The following CAPS2 variants were observed in gnomAD, a reference collection of about 807,000 sequenced individuals.
The protein encoded by CAPS2 is calcyphosin-2.
Under a neutral mutation model 86.5 loss-of-function variants are expected in CAPS2, and 98 were observed. The observed-to-expected ratio is 1.13, with a 90% CI of 0.96 to 1.34. The LOEUF (loss-of-function observed/expected upper bound fraction) is 1.34, where lower values mean the gene tolerates loss of function less well. CAPS2 is among the 40% of genes most tolerant of loss of function. The pLI is 0.00. For synonymous variants in CAPS2, 210 were observed against 225.1 expected (o/e 0.93, Z 0.60); for missense variants, 729 against 686.8 (o/e 1.06, Z -0.69).
intron 1 of CAPS2, chr12:75,367,093 T>A: frequency 1.4e-6 from 1 of 694,162 alleles, no homozygotes; most frequent in East Asian, 2.7e-5. Context: ...GAGATTAATT[T>A]GGGGAGAAAA....
At chr12:75,311,760 A>C (rs2039253055) in intron 7 of CAPS2, among the ~76,000 whole-genome samples, 1 of 149,962 alleles carries the variant, frequency 6.7e-6, no homozygotes, top group Non-Finnish European at 1.5e-5. Flanking sequence ...AAAGAAAATA[A>C]GGTTTCAAAT....
At chr12:75,305,607 C>G (rs11610112) in intron 7 of CAPS2, 3 of 611,386 alleles carry the variant, frequency 4.9e-6, no homozygotes, top group African/African-American at 1.8e-5. Context: ...CCCCAGGCCC[C>G]GAGCGACCGG....
intron 1 of CAPS2, among the ~76,000 whole-genome samples, chr12:75,376,628 G>T (rs1279543999): frequency 6.6e-6 from 1 of 152,122 alleles, no homozygotes; most frequent in Non-Finnish European, 1.5e-5. Flanking sequence ...TGGCAAAAAA[G>T]GCTCATCAGA....
intron 1 of CAPS2, among the ~76,000 whole-genome samples, chr12:75,390,002 C>A (rs928532164): frequency 6.6e-6 from 1 of 152,158 alleles, no homozygotes; most frequent in African/African-American, 2.4e-5. Flanking sequence ...GCATCACAGA[C>A]AATTTTTAAA....
chr12:75,325,801 A>C (rs895361108), intron 1 of CAPS2, among the ~76,000 whole-genome samples: 5 of 151,922 alleles, frequency 3.3e-5, no homozygotes, highest in African/African-American at 1.2e-4. Flanking sequence ...TAAAATCCAG[A>C]GTGTGAGGGG....
At chr12:75,363,827 T>C (rs1184473037) in intron 1 of CAPS2, among the ~76,000 whole-genome samples, 2 of 151,678 alleles carry the variant, frequency 1.3e-5, no homozygotes, top group Non-Finnish European at 2.9e-5. Flanking sequence ...CTACAACTTG[T>C]TTTTTACATT....
exon 17 of CAPS2, chr12:75,279,028 T>C: frequency 6.2e-7 from 1 of 1,604,550 alleles, no homozygotes; most frequent in Non-Finnish European, 8.5e-7. Flanking sequence ...TTAATGTTTC[T>C]AGAAAGGATG....
intron 5 of CAPS2, among the ~76,000 whole-genome samples, chr12:75,317,699 G>A (rs1020980482): frequency 6.6e-6 from 1 of 151,960 alleles, no homozygotes; most frequent in Admixed American, 6.6e-5. Flanking sequence ...ATTAAAAATT[G>A]TAAATATGCA....
intron 13 of CAPS2, 76 bp from the exon 14 acceptor site, chr12:75,289,851 G>T: frequency 1.9e-6 from 2 of 1,048,430 alleles, no homozygotes; most frequent in Non-Finnish European, 2.8e-6. Flanking sequence ...TCTTTCATAA[G>T]AAAATTAAAG....
Position 75,350,132 on chromosome 12 carries a change from G to C in CAPS2, c.-394-26910C>G, listed in dbSNP as rs113234759. Among the ~76,000 whole-genome samples, 426 of 152,370 alleles carry C rather than the reference G, an allele frequency of 2.8e-3. 3 individuals carry two copies. Among genetic ancestry groups the C allele is most frequent in the African/African-American group, 9.9e-3 (412 of 41,586 alleles). On this transcript the variant is annotated intron_variant, in intron 1 of 5. Coordinates refer to the CAPS2 transcript ENST00000551829. Reference sequence around the variant, plus strand: ...CAGCCACTGTGACAGTTTGTGGCCAGACTGCTTCTTTAAGCGAGACCCTGA... The same window carrying C: ...CAGCCACTGTGACAGTTTGTGGCCACACTGCTTCTTTAAGCGAGACCCTGA...
intron 13 of CAPS2, among the ~76,000 whole-genome samples, chr12:75,290,426 T>C (rs928284600): frequency 2.0e-5 from 3 of 152,180 alleles, no homozygotes; most frequent in Non-Finnish European, 4.4e-5. Flanking sequence ...AGTTATTAGA[T>C]ATAATACATG....
At chr12:75,377,835 T>A (rs2044732092) in intron 1 of CAPS2, among the ~76,000 whole-genome samples, 1 of 73,580 alleles carries the variant, frequency 1.4e-5, no homozygotes, top group Non-Finnish European at 2.7e-5. Context: ...ATATTAACCA[T>A]CACAGATATA....
chr12:75,326,383 T>C (rs1378286001), intron 1 of CAPS2, 35 bp downstream of exon 2: 3 of 814,226 alleles, frequency 3.7e-6, no homozygotes, highest in African/African-American at 1.7e-5. Flanking sequence ...TTATAAGTCA[T>C]CCTGAAAGAA....
intron 1 of CAPS2, among the ~76,000 whole-genome samples, chr12:75,325,640 T>C (rs2040702979): frequency 6.6e-6 from 1 of 152,046 alleles, no homozygotes; most frequent in South Asian, 2.1e-4. Flanking sequence ...TGTTTGTTTG[T>C]TTTGTTTTTT....
At chr12:75,300,908 A>T (rs998595926) in intron 8 of CAPS2, among the ~76,000 whole-genome samples, 1 of 152,254 alleles carries the variant, frequency 6.6e-6, no homozygotes, top group South Asian at 2.1e-4. Flanking sequence ...AGCCACTATC[A>T]ATCGGTTTTC....
At chr12:75,362,619 G>T (rs2043676782) in intron 1 of CAPS2, among the ~76,000 whole-genome samples, 2 of 152,226 alleles carry the variant, frequency 1.3e-5, no homozygotes, top group East Asian at 3.9e-4. Flanking sequence ...ACAGATAGAA[G>T]ATAAAGAGGC....
chr12:75,373,980 G>A (rs1409348448), intron 1 of CAPS2: 1 of 152,200 alleles, frequency 6.6e-6, no homozygotes, highest in Admixed American at 6.5e-5. Flanking sequence ...CTAACTTGAT[G>A]ACCCACAGTC....
intron 5 of CAPS2, among the ~76,000 whole-genome samples, chr12:75,319,520 C>T (rs2040104137): frequency 6.6e-6 from 1 of 152,162 alleles, no homozygotes; most frequent in Non-Finnish European, 1.5e-5. Context: ...CTTCAACTTT[C>T]TAGCCAACAG....
chr12:75,280,144 C>T (rs1396312514), intron 16 of CAPS2, among the ~76,000 whole-genome samples: 1 of 151,660 alleles, frequency 6.6e-6, no homozygotes, highest in African/African-American at 2.4e-5. Flanking sequence ...TTCTATTAAA[C>T]CTTAAAATAC....
Sources: allele counts gnomAD v4.1 joint callset (sites outside exome capture counted in the v4.1 genomes callset), GRCh38; gene constraint gnomAD v4.1.1; transcripts MANE v1.5; gene names NCBI Gene and HGNC (gene_info 2026-07-23, HGNC 2026-07-21).